The following LRCH1 variants were observed in gnomAD, a reference collection of about 807,000 sequenced individuals.
LRCH1 encodes the protein leucine-rich repeat and calponin homology domain-containing protein 1.
A neutral mutation model predicts 94.9 loss-of-function variants in LRCH1; 23 were observed. The observed-to-expected ratio is 0.24, with a 90% CI of 0.17 to 0.34. The LOEUF (loss-of-function observed/expected upper bound fraction) is 0.34. Ranked by LOEUF, LRCH1 falls within the 10% of genes least tolerant of loss-of-function variation. The pLI is 1.00. For missense variants in LRCH1, 790 were observed against 945.9 expected (o/e 0.84, Z 2.16); for synonymous variants, 364 against 354.9 (o/e 1.03, Z -0.29).
chr13:46,638,804 G>A (rs1315580132), intron 1 of LRCH1, among the ~76,000 whole-genome samples: 1 of 152,180 alleles, frequency 6.6e-6, no homozygotes, highest in Non-Finnish European at 1.5e-5. Context: ...AAATAGGAGA[G>A]ATCTAATCAA....
chr13:46,610,390 G>A (rs1024776819), intron 1 of LRCH1, among the ~76,000 whole-genome samples: 2 of 151,656 alleles, frequency 1.3e-5, no homozygotes, highest in African/African-American at 4.8e-5. Context: ...GGGGAAAATT[G>A]TGGTCACTAT....
chr13:46,674,564 A>G (rs896381434), intron 3 of LRCH1, among the ~76,000 whole-genome samples: 3 of 152,172 alleles, frequency 2.0e-5, no homozygotes, highest in Non-Finnish European at 2.9e-5. Flanking sequence ...AATGACTTCT[A>G]TGTGCTCTGT....
At chr13:46,652,909 T>A (rs9590973) in intron 2 of LRCH1, among the ~76,000 whole-genome samples, 3,430 of 152,332 alleles carry the variant, frequency 0.023, 146 homozygotes, top group African/African-American at 0.078. Context: ...CATCTTAAAA[T>A]GTATATTATA....
At chr13:46,557,139 T>C (rs192094633) in intron 1 of LRCH1, among the ~76,000 whole-genome samples, 1 of 150,984 alleles carries the variant, frequency 6.6e-6, no homozygotes, top group Non-Finnish European at 1.5e-5. Flanking sequence ...GAAAAACAAG[T>C]ACACAAATTT....
downstream of LRCH1, among the ~76,000 whole-genome samples, chr13:46,746,669 A>G (rs73193046): frequency 0.1 from 15,255 of 152,232 alleles, 1,471 homozygotes; most frequent in African/African-American, 0.24. Context: ...CTGTAAGTCC[A>G]TTATGAACAA....
intron 2 of LRCH1, among the ~76,000 whole-genome samples, chr13:46,663,965 A>T (rs1236573484): frequency 6.6e-6 from 1 of 152,242 alleles, no homozygotes; most frequent in African/African-American, 2.4e-5. Flanking sequence ...CTGGATATTC[A>T]TGCTTTTCCA....
intron 1 of LRCH1, among the ~76,000 whole-genome samples, chr13:46,556,407 ATTTAC>A (rs1474236381): frequency 2.0e-5 from 3 of 152,324 alleles, no homozygotes; most frequent in African/African-American, 7.2e-5. Flanking sequence ...GAGCCTATTA[ATTTAC>A]TTCTATTTGA....
chr13:46,683,443 T>C (rs374569478), intron 4 of LRCH1, among the ~76,000 whole-genome samples: 2 of 152,370 alleles, frequency 1.3e-5, no homozygotes, highest in East Asian at 1.9e-4. Flanking sequence ...AATTTGTCCT[T>C]GTACAATCTC....
intron 2 of LRCH1, among the ~76,000 whole-genome samples, chr13:46,667,207 G>T (rs775498656): frequency 2.0e-5 from 3 of 152,110 alleles, no homozygotes; most frequent in Non-Finnish European, 2.9e-5. Flanking sequence ...ATAGTTACAT[G>T]GGTAATTGAG....
At chr13:46,726,169 C>T (rs1217497296) in intron 17 of LRCH1, among the ~76,000 whole-genome samples, 3 of 152,164 alleles carry the variant, frequency 2.0e-5, no homozygotes, top group East Asian at 1.9e-4. Flanking sequence ...GATTTCTCTA[C>T]TTCTGCTTCC....
chr13:46,565,934 T>C (rs933322638), intron 1 of LRCH1, among the ~76,000 whole-genome samples: 2 of 151,826 alleles, frequency 1.3e-5, no homozygotes, highest in African/African-American at 4.8e-5. Flanking sequence ...TTTCTCACAG[T>C]AGAGAATGGG....
At chr13:46,563,736 T>C (rs751464053) in intron 1 of LRCH1, among the ~76,000 whole-genome samples, 26 of 152,218 alleles carry the variant, frequency 1.7e-4, no homozygotes, top group Non-Finnish European at 3.4e-4. Flanking sequence ...TATTGCAACC[T>C]GAAGAGGGAG....
chr13:46,615,462 G>A (rs1263533221), intron 1 of LRCH1, among the ~76,000 whole-genome samples: 2 of 152,122 alleles, frequency 1.3e-5, no homozygotes, highest in African/African-American at 2.4e-5. Context: ...CTCCCACTAG[G>A]CCTCACCTCC....
chr13:46,573,866 A>ATAT, intron 1 of LRCH1, among the ~76,000 whole-genome samples: 39 of 63,394 alleles, frequency 6.2e-4, no homozygotes, highest in African/African-American at 1.9e-3. Context: ...ATATATATAT[A>ATAT]TTTTTTTTTT....
At chr13:46,628,352 G>A (rs940021497) in intron 1 of LRCH1, among the ~76,000 whole-genome samples, 11 of 152,002 alleles carry the variant, frequency 7.2e-5, no homozygotes, top group African/African-American at 2.7e-4. Flanking sequence ...TAAGACACAA[G>A]GCCAACCGGG....
chr13:46,638,019 C>T (rs534296352), intron 1 of LRCH1, among the ~76,000 whole-genome samples: 2 of 152,116 alleles, frequency 1.3e-5, no homozygotes, highest in Non-Finnish European at 2.9e-5. Flanking sequence ...CTTATTTTAT[C>T]CAAAAGAGAA....
chr13:46,741,909 T>C lies in LRCH1; in HGVS notation c.*61T>C. 3 of 1,605,908 alleles carry C rather than the reference T, an allele frequency of 1.9e-6. No homozygotes were observed. The highest frequency in any genetic ancestry group is 2.6e-6 in the Non-Finnish European group (3 of 1,175,284). The stretch of plus-strand genomic sequence containing the variant: ...CCCTCAACCTTTGCAGGGTCCTTCC[T>C]ACCTTTGAGCCTTTGCCTTGCAAAC... On this transcript the variant is annotated 3_prime_UTR_variant, in exon 20 of 20. Transcript: ENST00000389797.
At chr13:46,572,646 A>G (rs1594252638) in intron 1 of LRCH1, among the ~76,000 whole-genome samples, 1 of 152,208 alleles carries the variant, frequency 6.6e-6, no homozygotes, top group Admixed American at 6.5e-5. Flanking sequence ...AGTCATATGG[A>G]AGATAGAATA....
rs899885947 is a variant in LRCH1, at chr13:46,701,026, T to G, written c.1314-95T>G. The stretch of plus-strand genomic sequence containing the variant: ...AATCTGTCGAAATCATTTTCATATG[T>G]TAGATGGATTTTTGTAAGTTTGCTT... On this transcript the variant is annotated intron_variant, in intron 10 of 19. Transcript: ENST00000389797. 7 of 756,348 alleles carry G rather than the reference T, an allele frequency of 9.3e-6. No homozygotes were observed. In the African/African-American group the frequency reaches 1.1e-4, roughly 11 times the overall value. 46.9% of individuals were successfully genotyped at this position (756,348 alleles called of 1,614,324 possible).
Sources: gnomAD v4.1 joint callset for allele counts (sites outside exome capture counted in the v4.1 genomes callset) on GRCh38, gnomAD v4.1.1 for gene constraint, MANE v1.5 for transcripts, NCBI Gene and HGNC (gene_info 2026-07-23, HGNC 2026-07-21) for gene names.